The following CD36 variants were observed in gnomAD, a reference collection of about 807,000 sequenced individuals.
CD36 encodes the protein platelet glycoprotein 4.
CD36 carries 119 observed loss-of-function variants against 55.2 expected under a neutral mutation model. That is an observed-to-expected ratio of 2.15 (90% CI 1.86 to 2.51). CD36 has a LOEUF of 2.51. Among genes scored for constraint, CD36 ranks in the 30% most tolerant of loss-of-function variants. CD36 has a pLI of 0.00. For missense variants in CD36, 819 were observed against 555.5 expected (o/e 1.47, Z -4.77); for synonymous variants, 186 against 193.6 (o/e 0.96, Z 0.33).
At chr7:80,632,612 C>T (rs1287141789) in intron 1 of CD36, among the ~76,000 whole-genome samples, 2 of 151,886 alleles carry the variant, frequency 1.3e-5, no homozygotes, top group African/African-American at 4.8e-5. Context: ...TTTATGTCAT[C>T]CTTCATCTGA....
intron 1 of CD36, among the ~76,000 whole-genome samples, chr7:80,611,181 C>A (rs1792859641): frequency 6.6e-6 from 1 of 152,160 alleles, no homozygotes; most frequent in Non-Finnish European, 1.5e-5. Flanking sequence ...CTGCGCCCTG[C>A]CTTGAACAAA....
intron 3 of CD36, among the ~76,000 whole-genome samples, chr7:80,655,425 G>A (rs1334482686): frequency 6.6e-6 from 1 of 152,092 alleles, no homozygotes; most frequent in African/African-American, 2.4e-5. Context: ...CAGTCCCAAA[G>A]CTCCTAAAGC....
rs1798182992 is a variant in CD36 at position 80,676,919 on chromosome 7, G to A, written c.*536G>A. The A allele has an allele frequency of 6.6e-6, 1 of 152,006 alleles. No homozygotes were observed. Among genetic ancestry groups the A allele is most frequent in the African/African-American group, 2.4e-5 (1 of 41,396 alleles). The allele number at this position is 152,006 out of a possible 1,614,324, so 9.4% of individuals were successfully genotyped here. A position where few individuals can be genotyped will look rare whatever the true frequency, so the allele number is the denominator to read the frequency against. On this transcript the variant is annotated 3_prime_UTR_variant, in exon 15 of 15. Transcript: ENST00000447544. The stretch of plus-strand genomic sequence containing the variant: ...ATTGTATGAAATATTACAAAGCGTA[G>A]ACTATGCATTGTTATTCATTATAAT...
intron 1 of CD36, among the ~76,000 whole-genome samples, chr7:80,619,833 G>A (rs1793362372): frequency 6.6e-6 from 1 of 152,064 alleles, no homozygotes; most frequent in South Asian, 2.1e-4. Context: ...GAAGTTGATT[G>A]CAACCATCAT....
Position 80,670,998 on chromosome 7 carries a change from A to G in CD36, c.840A>G (p.Glu280=). The G allele has an allele frequency of 6.2e-7, 1 of 1,613,292 alleles. No homozygotes were observed. Among genetic ancestry groups the G allele is most frequent in the Non-Finnish European group, 8.5e-7 (1 of 1,179,362 alleles). Residue 280 remains glutamate (E), a synonymous_variant, in exon 10 of 15, where the codon GAA becomes GAG. Coordinates refer to ENST00000447544, the MANE Select transcript of CD36 (RefSeq NM_001001548.3). ...TTAGGTCAATCTATGCTGTATTTGA[A>G]TCCGACGTTAATCTGAAAGGAATCC... is the stretch of plus-strand genomic sequence containing the variant. The part of the protein sequence containing the change: ...DICRSIYAVF[E]SDVNLKGIPV...
At chr7:80,636,634 G>A (rs577051266), upstream of CD36, among the ~76,000 whole-genome samples, 2 of 151,898 alleles carry the variant, frequency 1.3e-5, no homozygotes, top group African/African-American at 4.8e-5. Flanking sequence ...GTGTTATAGT[G>A]GATTTACATA....
chr7:80,672,592 G>GTATC (rs1797800958), intron 11 of CD36, among the ~76,000 whole-genome samples, 178 bp from the exon 12 acceptor site: 1 of 151,372 alleles, frequency 6.6e-6, no homozygotes, highest in Non-Finnish European at 1.5e-5. Flanking sequence ...TAAATTGTGT[G>GTATC]TATCTATATG....
In CD36 at chr7:80,656,653, GAACAGCAGC is replaced by G. The variant is rs769898615; in HGVS notation, c.239_247del (p.Ser80_Asn82del). On this transcript the variant is annotated inframe_deletion, in exon 4 of 15. Coordinates refer to ENST00000447544, the MANE Select transcript of CD36 (RefSeq NM_001001548.3). The stretch of plus-strand genomic sequence containing the variant: ...TGCAAAATCCACAGGAAGTGATGAT[GAACAGCAGC>G]AACATTCAAGTTAAGCAAAGAGGTC... The G allele has an allele frequency of 1.4e-5, 22 of 1,613,684 alleles. No individual in the cohort carries two copies. Among genetic ancestry groups the G allele is most frequent in the Middle Eastern group, 3.3e-4 (2 of 6,082 alleles).
At chr7:80,647,306 A>G in intron 3 of CD36, 1 of 173,782 alleles carries the variant, frequency 5.8e-6, no homozygotes, top group East Asian at 1.4e-4. Context: ...ATTGAAACAT[A>G]AATCCTTATT....
intron 1 of CD36, among the ~76,000 whole-genome samples, chr7:80,616,417 C>A (rs1290333979): frequency 7.7e-6 from 1 of 130,474 alleles, no homozygotes; most frequent in Non-Finnish European, 1.6e-5. Context: ...AAGTTGGGGA[C>A]CATCTGTGTG....
At chr7:80,605,800 C>A (rs992936751) in intron 1 of CD36, among the ~76,000 whole-genome samples, 1 of 152,086 alleles carries the variant, frequency 6.6e-6, no homozygotes, top group Non-Finnish European at 1.5e-5. Context: ...TTTCTATTAG[C>A]CCCATCCTTT....
intron 4 of CD36, among the ~76,000 whole-genome samples, chr7:80,660,410 CT>C (rs1464076626): frequency 6.6e-6 from 1 of 152,128 alleles, no homozygotes; most frequent in Non-Finnish European, 1.5e-5. Flanking sequence ...AAAAGCAGTG[CT>C]GGATAGGCCT....
intron 1 of CD36, among the ~76,000 whole-genome samples, chr7:80,608,951 A>G (rs1019275224): frequency 6.8e-6 from 1 of 147,846 alleles, no homozygotes; most frequent in South Asian, 2.1e-4. Context: ...GTTCAACTAC[A>G]TAATTTCCTT....
At chr7:80,612,459 G>A (rs764378800) in intron 1 of CD36, among the ~76,000 whole-genome samples, 1 of 152,142 alleles carries the variant, frequency 6.6e-6, no homozygotes, top group Non-Finnish European at 1.5e-5. Flanking sequence ...ATAACTCAAA[G>A]CTTCTTATGA....
chr7:80,604,454 G>A (rs2115679846), intron 1 of CD36, among the ~76,000 whole-genome samples: 1 of 136,270 alleles, frequency 7.3e-6, no homozygotes, highest in South Asian at 2.4e-4. Flanking sequence ...AAAGGGTAAA[G>A]TGAATTCTGA....
At chr7:80,654,189 A>G (rs1270179091) in intron 3 of CD36, among the ~76,000 whole-genome samples, 1 of 152,200 alleles carries the variant, frequency 6.6e-6, no homozygotes, top group Non-Finnish European at 1.5e-5. Flanking sequence ...GTTTAGATGG[A>G]CACTCATTGT....
chr7:80,640,805 A>G (rs1476849144), intron 1 of CD36, among the ~76,000 whole-genome samples: 1 of 152,084 alleles, frequency 6.6e-6, no homozygotes, highest in Non-Finnish European at 1.5e-5. Context: ...ATAAAGTCCA[A>G]TGTATTTATT....
chr7:80,664,425 G>A lies in CD36; in HGVS notation c.629G>A (p.Gly210Glu), dbSNP rs35776095. The A allele has an allele frequency of 5.9e-5, 92 of 1,563,408 alleles. No individual in the cohort carries two copies. The African/African-American group carries it at 1.2e-3, about 20-fold the overall frequency. Residue 210 changes from glycine to glutamate, a missense_variant, in exon 7 of 15, where the codon GGA (glycine) becomes GAA (glutamate). By Grantham distance (98) the Gly-to-Glu change is moderately conservative. Coordinates refer to ENST00000447544, the MANE Select transcript of CD36 (RefSeq NM_001001548.3). ...TTTCAGTACAACAATACTGCAGATGGAGTTTATAAAGTTTTCAATGGAAAA... is the reference window on the plus strand; with the variant it reads ...TTTCAGTACAACAATACTGCAGATGAAGTTTATAAAGTTTTCAATGGAAAA... ...LFYPYNNTAD[G>E]VYKVFNGKDN...
At chr7:80,607,789 T>C (rs1346984107) in intron 1 of CD36, among the ~76,000 whole-genome samples, 3 of 152,162 alleles carry the variant, frequency 2.0e-5, no homozygotes, top group Non-Finnish European at 4.4e-5. Flanking sequence ...TTGTCATTGT[T>C]GAGACTGAGT....
Sources: allele counts gnomAD v4.1 joint callset (sites outside exome capture counted in the v4.1 genomes callset), GRCh38; gene constraint gnomAD v4.1.1; transcripts MANE v1.5; gene names NCBI Gene and HGNC (gene_info 2026-07-23, HGNC 2026-07-21).